Variants in C2orf92 observed in about 807,000 individuals in gnomAD.
C2orf92 encodes chromosome 2 open reading frame 92.
chr2:97,701,323 ACCTT>A lies in C2orf92; in HGVS notation c.665+26_665+29del. 2 of 398,784 alleles carry A rather than the reference ACCTT, an allele frequency of 5.0e-6. No individual in the cohort carries two copies. The highest frequency in any genetic ancestry group is 8.9e-6 in the Non-Finnish European group (2 of 225,890). 24.7% of individuals were successfully genotyped at this position (398,784 alleles called of 1,614,324 possible). On this transcript the variant is annotated intron_variant, in intron 7 of 7. Transcript: ENST00000627399. ...AGCCATCGTGCGTGGTGCTGGCATA[ACCTT>A]CCTTCCAAGAACCCGCGGGTGTTAG...
intron 1 of C2orf92, chr2:97,670,568 A>G (rs1559295568): frequency 6.6e-6 from 1 of 151,716 alleles, no homozygotes; most frequent in Non-Finnish European, 1.5e-5. Context: ...TTTTCTATTT[A>G]TTGTTATTAT....
At chr2:97,673,520 C>A (rs987375741) in intron 1 of C2orf92, among the ~76,000 whole-genome samples, 17 of 152,100 alleles carry the variant, frequency 1.1e-4, no homozygotes, top group Non-Finnish European at 1.8e-4. Context: ...ACAGAGACAT[C>A]GAATGTCGGT....
At chr2:97,702,535 A>G (rs1261979595) in intron 7 of C2orf92, 134 bp from the exon 8 acceptor site, 3 of 394,982 alleles carry the variant, frequency 7.6e-6, no homozygotes, top group African/African-American at 2.1e-5. Flanking sequence ...AGAATTTCAC[A>G]GATGACAAAC....
At chr2:97,665,737 C>CTCTCTATA (rs1675205585), upstream of C2orf92, 2 of 29,236 alleles carry the variant, frequency 6.8e-5, no homozygotes, top group African/African-American at 1.3e-4. Context: ...CTCTCTCTCT[C>CTCTCTATA]TATATATATA....
At chr2:97,701,740 G>T (rs1232509788) in intron 7 of C2orf92, among the ~76,000 whole-genome samples, 1 of 152,248 alleles carries the variant, frequency 6.6e-6, no homozygotes, top group South Asian at 2.1e-4. Context: ...CAGCTGTCCT[G>T]CTTGTTAGAA....
At chr2:97,665,104 T>A (rs915694456), upstream of C2orf92, among the ~76,000 whole-genome samples, 1 of 152,178 alleles carries the variant, frequency 6.6e-6, no homozygotes, top group African/African-American at 2.4e-5. Flanking sequence ...TGCCCAAGAT[T>A]ATTGGGTGTG....
upstream of C2orf92, chr2:97,664,087 G>A (rs1464793941): frequency 1.7e-5 from 5 of 288,356 alleles, no homozygotes; most frequent in Non-Finnish European, 3.2e-5. Flanking sequence ...CACCTGGCCC[G>A]ATTGACAGCA....
intron 2 of C2orf92, among the ~76,000 whole-genome samples, chr2:97,674,913 C>T (rs894327750): frequency 1.3e-5 from 2 of 152,160 alleles, no homozygotes; most frequent in African/African-American, 4.8e-5. Flanking sequence ...ACTTTCTGTT[C>T]ACCAGCGCTT....
chr2:97,702,951 A>G lies in C2orf92; in HGVS notation c.*150A>G, dbSNP rs1559309519. 2.5e-6 allele frequency: 1 copy of G among 395,878 alleles called. No individual in the cohort carries two copies. 24.5% of individuals were successfully genotyped at this position (395,878 alleles called of 1,614,324 possible). A position where few individuals can be genotyped will look rare whatever the true frequency, so the allele number is the denominator to read the frequency against. On this transcript the variant is annotated 3_prime_UTR_variant, in exon 8 of 8. Transcript: ENST00000627399. ...CCCATCCCAATTTGAATGGACCAAGAAAAACTGCTTTACCATAGGACACTT... is the reference window on the plus strand; with the variant it reads ...CCCATCCCAATTTGAATGGACCAAGGAAAACTGCTTTACCATAGGACACTT...
chr2:97,675,659 T>C, intron 2 of C2orf92, 186 bp from the exon 3 acceptor site: 1 of 395,214 alleles, frequency 2.5e-6, no homozygotes. Flanking sequence ...TAGCCCCTGG[T>C]GTTGTGTTGG....
intron 5 of C2orf92, among the ~76,000 whole-genome samples, chr2:97,695,813 G>A (rs1252995752): frequency 2.6e-5 from 4 of 151,548 alleles, no homozygotes; most frequent in Non-Finnish European, 4.4e-5. Flanking sequence ...GTGCGGTGGC[G>A]CAATCTTGGC....
At chr2:97,687,328 C>T (rs1016709260) in intron 3 of C2orf92, among the ~76,000 whole-genome samples, 8 of 152,328 alleles carry the variant, frequency 5.3e-5, no homozygotes, top group African/African-American at 1.9e-4. Flanking sequence ...GATTACACCA[C>T]TGCAGTTCAG....
upstream of C2orf92, chr2:97,665,678 T>C (rs1675184423): frequency 6.8e-6 from 1 of 147,426 alleles, no homozygotes; most frequent in South Asian, 2.3e-4. Context: ...AATGCATAAA[T>C]ACATCAAAGC....
At chr2:97,696,854 C>T (rs1236942195) in intron 5 of C2orf92, among the ~76,000 whole-genome samples, 1 of 152,214 alleles carries the variant, frequency 6.6e-6, no homozygotes, top group Non-Finnish European at 1.5e-5. Context: ...GGTCTGTGGA[C>T]AGCAGCTGTA....
intron 3 of C2orf92, among the ~76,000 whole-genome samples, 156 bp downstream of exon 3, chr2:97,676,084 CGATAAATTAA>C (rs759604996): frequency 3.3e-5 from 5 of 151,918 alleles, no homozygotes; most frequent in Non-Finnish European, 7.4e-5. Flanking sequence ...GTCAAAACCT[CGATAAATTAA>C]GCTAAACGTG....
chr2:97,664,190 C>T (rs1394747205), upstream of C2orf92: 6 of 187,242 alleles, frequency 3.2e-5, no homozygotes, highest in Non-Finnish European at 6.6e-5. Context: ...GCGGCGTTGC[C>T]AAGGTAGGCT....
At chr2:97,669,963 C>A in intron 1 of C2orf92, 129 bp downstream of exon 1, 1 of 396,656 alleles carries the variant, frequency 2.5e-6, no homozygotes, top group South Asian at 1.4e-4. Flanking sequence ...TATACCTCCC[C>A]AAATCTGCCA....
chr2:97,700,775 G>C (rs984227925), intron 6 of C2orf92, among the ~76,000 whole-genome samples: 4 of 151,236 alleles, frequency 2.6e-5, no homozygotes, highest in African/African-American at 9.7e-5. Context: ...CCAGGCTGGA[G>C]TGCAGTGGTG....
At chr2:97,675,447 A>G (rs1202709121) in intron 2 of C2orf92, among the ~76,000 whole-genome samples, 1 of 152,212 alleles carries the variant, frequency 6.6e-6, no homozygotes, top group Non-Finnish European at 1.5e-5. Flanking sequence ...AAGTATGTCT[A>G]TTCTTAATGA....
Sources: allele counts gnomAD v4.1 joint callset (sites outside exome capture counted in the v4.1 genomes callset), GRCh38; gene constraint gnomAD v4.1.1; transcripts MANE v1.5; gene names NCBI Gene and HGNC (gene_info 2026-07-23, HGNC 2026-07-21).